NTRK3: variants seen among roughly 807,000 people sequenced by gnomAD.
NTRK3 encodes the protein neurotrophic receptor tyrosine kinase 3.
NTRK3 carries 24 observed loss-of-function variants against 91.7 expected under a neutral mutation model. The ratio of observed to expected loss-of-function variants is 0.26; its 90% CI spans 0.19 to 0.37. The LOEUF (loss-of-function observed/expected upper bound fraction) is 0.37, where lower values mean the gene tolerates loss of function less well. NTRK3 is among the 10% of genes least tolerant of loss of function. The pLI is 1.00. For synonymous variants in NTRK3, 483 were observed against 404.0 expected (o/e 1.20, Z -2.34); for missense variants, 880 against 1,068.9 (o/e 0.82, Z 2.46).
At chr15:87,918,886 G>C (rs1190711790) in intron 17 of NTRK3, among the ~76,000 whole-genome samples, 1 of 152,188 alleles carries the variant, frequency 6.6e-6, no homozygotes, top group East Asian at 1.9e-4. Context: ...GTGTTAACTA[G>C]AGTTGAGGTT....
Position 87,933,255 on chromosome 15 carries a change from G to T in NTRK3, c.1717-71C>A, listed in dbSNP as rs188186343. ...GGGCTGTCTTTTCTACTCCTGGAAA[G>T]AAACTGGCCCCACACACCACTGGGT... On this transcript the variant is annotated intron_variant, in intron 15 of 18. Transcript: ENST00000394480. The T allele has an allele frequency of 4.0e-6, 6 of 1,493,550 alleles. No homozygotes were observed. In the East Asian group the frequency reaches 1.4e-4, roughly 34 times the overall value. The allele number at this position is 1,493,550 out of a possible 1,614,324, so 92.5% of individuals were successfully genotyped here.
chr15:88,120,414 C>T (rs76082012), intron 13 of NTRK3, among the ~76,000 whole-genome samples: 131 of 152,338 alleles, frequency 8.6e-4, no homozygotes, highest in African/African-American at 2.6e-3. Flanking sequence ...TGCTCATCCG[C>T]AGGCCCATCA....
chr15:88,039,376 C>A (rs1205537014), intron 13 of NTRK3, among the ~76,000 whole-genome samples: 1 of 152,200 alleles, frequency 6.6e-6, no homozygotes, highest in Non-Finnish European at 1.5e-5. Context: ...TTATTCTCTT[C>A]TAAAATTGGT....
intron 3 of NTRK3, among the ~76,000 whole-genome samples, chr15:88,189,299 C>T (rs1168025247): frequency 6.6e-6 from 1 of 152,174 alleles, no homozygotes; most frequent in Non-Finnish European, 1.5e-5. Flanking sequence ...GACCTAGGAC[C>T]ACAGATAGCT....
At chr15:88,212,196 G>A (rs746826370) in intron 3 of NTRK3, among the ~76,000 whole-genome samples, 19 of 152,130 alleles carry the variant, frequency 1.2e-4, no homozygotes, top group East Asian at 3.9e-4. Flanking sequence ...GTGAAACCCC[G>A]TCTCTATTAA....
chr15:88,138,307 G>C (rs2151230409), intron 6 of NTRK3, among the ~76,000 whole-genome samples: 1 of 152,174 alleles, frequency 6.6e-6, no homozygotes, highest in East Asian at 1.9e-4. Flanking sequence ...CTACTCAGGA[G>C]GCTGAGGCGG....
At chr15:88,142,165 T>C (rs767483918) in intron 6 of NTRK3, among the ~76,000 whole-genome samples, 3 of 152,036 alleles carry the variant, frequency 2.0e-5, no homozygotes, top group Non-Finnish European at 4.4e-5. Flanking sequence ...TAAATCTAAA[T>C]GATGCTGTCC....
At chr15:88,221,101 C>T (rs1485968479) in intron 3 of NTRK3, among the ~76,000 whole-genome samples, 2 of 152,196 alleles carry the variant, frequency 1.3e-5, no homozygotes, top group South Asian at 4.1e-4. Context: ...TGCTGGTGGA[C>T]TTCATGCGGA....
intron 5 of NTRK3, among the ~76,000 whole-genome samples, chr15:88,154,775 A>C (rs2043731292): frequency 6.6e-6 from 1 of 152,170 alleles, no homozygotes; most frequent in South Asian, 2.1e-4. Context: ...TCAAGGGGAA[A>C]AAGATCATAT....
At chr15:87,998,897 G>A (rs1013263129) in intron 14 of NTRK3, among the ~76,000 whole-genome samples, 2 of 152,184 alleles carry the variant, frequency 1.3e-5, no homozygotes, top group Admixed American at 6.5e-5. Flanking sequence ...TGCTGGTAGG[G>A]AGTGTGGGGG....
chr15:87,977,613 G>A, intron 14 of NTRK3: 1 of 231,782 alleles, frequency 4.3e-6, no homozygotes, highest in Middle Eastern at 1.3e-3. Flanking sequence ...GCATCAGCAG[G>A]GCACAATGGG....
intron 13 of NTRK3, among the ~76,000 whole-genome samples, chr15:88,076,772 C>G (rs1168508457): frequency 6.6e-6 from 1 of 151,758 alleles, no homozygotes. Flanking sequence ...CTAACATTAT[C>G]CAGCAAGCAG....
chr15:87,961,390 T>A (rs1372597397), intron 14 of NTRK3, among the ~76,000 whole-genome samples: 1 of 152,248 alleles, frequency 6.6e-6, no homozygotes, highest in Non-Finnish European at 1.5e-5. Context: ...GCTAGCTATG[T>A]GGGTAGATTT....
In NTRK3 at chr15:87,999,209, G is replaced by A. The variant is rs1043926550; in HGVS notation, c.1585+33648C>T. Reference sequence around the variant, plus strand: ...GCACTGTTAGATCTACTGTCAGGAAGCTGGAAAGTATAATACTGCATCCCC... The same window carrying A: ...GCACTGTTAGATCTACTGTCAGGAAACTGGAAAGTATAATACTGCATCCCC... On this transcript the variant is annotated intron_variant, in intron 14 of 18. Coordinates refer to ENST00000394480, the Ensembl canonical transcript of NTRK3. 2.6e-5 allele frequency among the ~76,000 whole-genome samples: 4 copies of A among 152,170 alleles called. No individual in the cohort carries two copies. In the East Asian group the frequency reaches 7.7e-4, roughly 29 times the overall value.
chr15:88,088,624 T>A (rs1447533579), intron 13 of NTRK3, among the ~76,000 whole-genome samples: 1 of 152,172 alleles, frequency 6.6e-6, no homozygotes, highest in African/African-American at 2.4e-5. Context: ...TACATAGTCA[T>A]AGAAGTAATA....
At chr15:88,092,150 C>A (rs973116861) in intron 13 of NTRK3, among the ~76,000 whole-genome samples, 25 of 152,304 alleles carry the variant, frequency 1.6e-4, no homozygotes, top group African/African-American at 5.8e-4. Context: ...GCAGCTTAGT[C>A]TCAGCCTCAA....
chr15:88,108,932 T>C (rs1176723642), intron 13 of NTRK3, among the ~76,000 whole-genome samples: 2 of 152,206 alleles, frequency 1.3e-5, no homozygotes, highest in African/African-American at 4.8e-5. Context: ...GAGAGAATTC[T>C]CTCTCTAATC....
chr15:87,931,789 G>C (rs1596302404), intron 16 of NTRK3, among the ~76,000 whole-genome samples: 1 of 152,152 alleles, frequency 6.6e-6, no homozygotes, highest in Non-Finnish European at 1.5e-5. Flanking sequence ...TCATTTCTTT[G>C]CCCCTCAAAA....
At chr15:88,223,514 G>A (rs1445599412) in intron 3 of NTRK3, among the ~76,000 whole-genome samples, 1 of 152,244 alleles carries the variant, frequency 6.6e-6, no homozygotes, top group Non-Finnish European at 1.5e-5. Context: ...CTGCGGAGCA[G>A]GGCCTGGGTA....
Sources: gnomAD v4.1 joint callset for allele counts (sites outside exome capture counted in the v4.1 genomes callset) on GRCh38, gnomAD v4.1.1 for gene constraint, MANE v1.5 for transcripts, NCBI Gene and HGNC (gene_info 2026-07-23, HGNC 2026-07-21) for gene names.